The following NEK1 variants were observed in gnomAD, a reference collection of about 807,000 sequenced individuals.
NEK1 encodes the protein serine/threonine-protein kinase Nek1.
Under a neutral mutation model 182.1 loss-of-function variants are expected in NEK1, and 137 were observed. The ratio of observed to expected loss-of-function variants is 0.75; its 90% CI spans 0.65 to 0.87. NEK1 has a LOEUF of 0.87. Among genes scored for constraint, NEK1 ranks in the 40% least tolerant of loss-of-function variants. NEK1 has a pLI of 0.00. For synonymous variants in NEK1, 513 were observed against 492.2 expected, an observed-to-expected ratio of 1.04 and a Z score of -0.56; for missense variants, 1,391 against 1,494.4, an observed-to-expected ratio of 0.93 and a Z score of 1.14.
chr4:169,556,754 AATC>A (rs1207742605), intron 16 of NEK1, among the ~76,000 whole-genome samples: 1 of 151,932 alleles, frequency 6.6e-6, no homozygotes, highest in Admixed American at 6.6e-5. Flanking sequence ...AAAAAAAAAA[AATC>A]AACAGTAAAA....
chr4:169,564,334 TTATTAGTA>T (rs1763366380), intron 12 of NEK1, among the ~76,000 whole-genome samples: 1 of 152,144 alleles, frequency 6.6e-6, no homozygotes, highest in Non-Finnish European at 1.5e-5. Flanking sequence ...GTCATTTACA[TTATTAGTA>T]AAATAATCCA....
chr4:169,480,990 T>C (rs865897019), intron 23 of NEK1, among the ~76,000 whole-genome samples: 3 of 152,150 alleles, frequency 2.0e-5, no homozygotes, highest in Non-Finnish European at 4.4e-5. Flanking sequence ...ATCGACTAAG[T>C]TTACAAAATA....
At chr4:169,507,545 A>T (rs1408486498) in intron 22 of NEK1, among the ~76,000 whole-genome samples, 170 bp downstream of exon 22, 1 of 152,172 alleles carries the variant, frequency 6.6e-6, no homozygotes, top group Non-Finnish European at 1.5e-5. Context: ...TAAACATAAT[A>T]CAAAAAGAGA....
intron 31 of NEK1, among the ~76,000 whole-genome samples, chr4:169,416,328 T>G (rs866524845): frequency 6.6e-6 from 1 of 152,360 alleles, no homozygotes; most frequent in African/African-American, 2.4e-5. Flanking sequence ...CATTCATCTC[T>G]CCATTACAGG....
intron 24 of NEK1, among the ~76,000 whole-genome samples, chr4:169,477,877 CTAGAAA>C (rs1338426527): frequency 6.6e-6 from 1 of 151,904 alleles, no homozygotes; most frequent in Non-Finnish European, 1.5e-5. Context: ...TTAATTATAA[CTAGAAA>C]AAGTTTTGAT....
At chr4:169,594,021 C>T (rs1224420658) in intron 5 of NEK1, among the ~76,000 whole-genome samples, 1 of 151,622 alleles carries the variant, frequency 6.6e-6, no homozygotes, top group East Asian at 1.9e-4. Context: ...AACCCTGCTT[C>T]TAATCTGTGC....
At chr4:169,467,802 T>A (rs1745206891) in intron 26 of NEK1, among the ~76,000 whole-genome samples, 2 of 152,064 alleles carry the variant, frequency 1.3e-5, no homozygotes, top group African/African-American at 4.8e-5. Flanking sequence ...TTACAATGGG[T>A]TTATTAGACT....
intron 23 of NEK1, among the ~76,000 whole-genome samples, chr4:169,500,964 A>G (rs935125295): frequency 1.3e-5 from 2 of 152,204 alleles, no homozygotes; most frequent in African/African-American, 4.8e-5. Flanking sequence ...AGAATGGCAA[A>G]TTGGATGAAA....
intron 27 of NEK1, among the ~76,000 whole-genome samples, chr4:169,448,804 T>C (rs923624497): frequency 1.3e-5 from 2 of 152,162 alleles, no homozygotes; most frequent in Non-Finnish European, 1.5e-5. Context: ...ATGGGACTGG[T>C]TGGACAGTGG....
At chr4:169,601,686 C>A (rs116536599) in intron 4 of NEK1, among the ~76,000 whole-genome samples, 1,899 of 152,112 alleles carry the variant, frequency 0.012, 33 homozygotes, top group African/African-American at 0.043. Context: ...TCTTTTAAAG[C>A]AATCACTAAT....
chr4:169,588,510 T>C (rs180967821), intron 8 of NEK1, 139 bp downstream of exon 8: 154 of 478,876 alleles, frequency 3.2e-4, no homozygotes, highest in African/African-American at 2.9e-3. Context: ...CCTCACCATA[T>C]ATTAGCAACA....
intron 23 of NEK1, among the ~76,000 whole-genome samples, chr4:169,492,065 C>T (rs1750191388): frequency 6.6e-6 from 1 of 151,938 alleles, no homozygotes; most frequent in Non-Finnish European, 1.5e-5. Flanking sequence ...CAAGAGTAGA[C>T]AATAAGAGAA....
intron 12 of NEK1, among the ~76,000 whole-genome samples, chr4:169,564,584 G>A (rs1763400446): frequency 6.6e-6 from 1 of 151,968 alleles, no homozygotes; most frequent in South Asian, 2.1e-4. Context: ...TGAAATAAAT[G>A]TGTCACCATA....
At chr4:169,476,175 T>TA (rs1746909747) in intron 26 of NEK1, among the ~76,000 whole-genome samples, 1 of 152,034 alleles carries the variant, frequency 6.6e-6, no homozygotes, top group Non-Finnish European at 1.5e-5. Context: ...AGACAAATCA[T>TA]AAAAGCAGAC....
chr4:169,514,982 C>A (rs917093183), intron 19 of NEK1, among the ~76,000 whole-genome samples: 1 of 151,936 alleles, frequency 6.6e-6, no homozygotes, highest in African/African-American at 2.4e-5. Context: ...TATAAATTTC[C>A]CTCACAGAAG....
chr4:169,592,162 AT>A (rs1768631746), intron 5 of NEK1, among the ~76,000 whole-genome samples: 1 of 152,208 alleles, frequency 6.6e-6, no homozygotes, highest in South Asian at 2.1e-4. Context: ...AATTATAATC[AT>A]TTGTCAAAAT....
intron 31 of NEK1, among the ~76,000 whole-genome samples, chr4:169,418,081 A>T (rs1734840377): frequency 6.6e-6 from 1 of 152,250 alleles, no homozygotes; most frequent in South Asian, 2.1e-4. Flanking sequence ...TTGTAAGCTG[A>T]ACAATGCTCA....
chr4:169,589,518 T>A lies in NEK1; in HGVS notation c.397-4A>T. 1 of 1,457,336 alleles carries A rather than the reference T, an allele frequency of 6.9e-7. No homozygotes were observed. The highest frequency in any genetic ancestry group is 9.3e-7 in the Non-Finnish European group (1 of 1,078,534). 90.3% of individuals were successfully genotyped at this position (1,457,336 alleles called of 1,614,324 possible). Reference sequence around the variant, plus strand: ...CATCTTTAGTTAAAAATATGTTCTGTAAAAGACAGGAAAAAAAAAAACCCT... The same window carrying A: ...CATCTTTAGTTAAAAATATGTTCTGAAAAAGACAGGAAAAAAAAAAACCCT... On this transcript the variant is annotated splice_region_variant and splice_polypyrimidine_tract_variant and intron_variant, in intron 6 of 35. Transcript: ENST00000507142.
At chr4:169,548,382 C>T (rs542328278) in intron 18 of NEK1, among the ~76,000 whole-genome samples, 1 of 152,320 alleles carries the variant, frequency 6.6e-6, no homozygotes, top group Admixed American at 6.5e-5. Context: ...CCAGATCTCT[C>T]CTGTATGAGG....
Sources: gnomAD v4.1 joint callset for allele counts (sites outside exome capture counted in the v4.1 genomes callset) on GRCh38, gnomAD v4.1.1 for gene constraint, MANE v1.5 for transcripts, NCBI Gene and HGNC (gene_info 2026-07-23, HGNC 2026-07-21) for gene names.